The following SEC31B variants were observed in gnomAD, a reference collection of about 807,000 sequenced individuals.
SEC31B encodes the protein protein transport protein Sec31B.
A neutral mutation model predicts 135.0 loss-of-function variants in SEC31B; 113 were observed. The observed-to-expected ratio is 0.84, with a 90% CI of 0.72 to 0.98. The LOEUF (loss-of-function observed/expected upper bound fraction) is 0.98. Ranked by LOEUF, SEC31B falls within the 50% of genes least tolerant of loss-of-function variation. SEC31B has a pLI of 0.00. For synonymous variants in SEC31B, 508 were observed against 549.4 expected (o/e 0.92, Z 1.05); for missense variants, 1,296 against 1,421.1 (o/e 0.91, Z 1.42).
chr10:100,516,511 T>C (rs1851849882), intron 2 of SEC31B, among the ~76,000 whole-genome samples: 1 of 151,704 alleles, frequency 6.6e-6, no homozygotes, highest in Admixed American at 6.6e-5. Flanking sequence ...TAGCCAGATG[T>C]GGTGGTGGGT....
Position 100,490,161 on chromosome 10 carries a change from G to C in SEC31B, c.2812C>G (p.Pro938Ala), listed in dbSNP as rs1317349388. The C allele has an allele frequency of 1.9e-5, 31 of 1,601,086 alleles. No homozygotes were observed. The highest frequency in any genetic ancestry group is 2.6e-5 in the Non-Finnish European group (30 of 1,174,226). The change falls in exon 21 of 26, where the codon CCT (proline) becomes GCT (alanine). Residue 938 changes from proline to alanine, a missense_variant. Pro to Ala is a conservative substitution (Grantham distance 27). Transcript: ENST00000370345. ...TSLPETPRLF[P>A]LLPLRPLGPG... is the part of the protein sequence containing the mutation. ...CCTAGTGGTCTCAGAGGAAGCAGAG[G>C]GAACAGTCTAGGAGTCTCAGGCAGG...
rs373310873 is a variant in SEC31B at position 100,499,556 on chromosome 10, A to G, written c.1453T>C (p.Leu485=). 2.7e-5 allele frequency: 44 copies of G among 1,612,480 alleles called. No individual in the cohort carries two copies. Among genetic ancestry groups the G allele is most frequent in the East Asian group, 6.7e-5 (3 of 44,892 alleles). The change falls in exon 12 of 26, where the codon TTA becomes CTA. Residue 485 remains leucine, a synonymous_variant. Transcript: ENST00000370345. The part of the protein sequence containing the change: ...QDSRMKFLKL[L]GYSKDELQKK... ...TGAAGCTCATCTTTACTGTATCCTA[A>G]AAGCTTTAGGAATTTCATTCTGGAG...
intron 19 of SEC31B, among the ~76,000 whole-genome samples, chr10:100,492,389 A>C (rs1347259307): frequency 6.6e-6 from 1 of 152,016 alleles, no homozygotes; most frequent in African/African-American, 2.4e-5. Context: ...ATGCCCGGTT[A>C]ATTTTATATT....
At chr10:100,503,562 T>C in intron 10 of SEC31B, among the ~76,000 whole-genome samples, 1 of 151,916 alleles carries the variant, frequency 6.6e-6, no homozygotes, top group East Asian at 1.9e-4. Context: ...GCCTCCCAAG[T>C]AGCTGGGATT....
intron 2 of SEC31B, 32 bp downstream of exon 2, chr10:100,516,842 C>T (rs76554725): frequency 6.6e-7 from 1 of 1,514,194 alleles, no homozygotes; most frequent in East Asian, 2.3e-5. Context: ...TTATGTACTC[C>T]CAGTGGATCC....
intron 10 of SEC31B, among the ~76,000 whole-genome samples, chr10:100,505,037 A>G (rs1207343540): frequency 6.6e-6 from 1 of 151,986 alleles, no homozygotes; most frequent in South Asian, 2.1e-4. Context: ...CCTTCTTTGT[A>G]GTTCCTTACT....
At chr10:100,487,928 G>A in intron 25 of SEC31B, 99 bp downstream of exon 25, 1 of 1,506,840 alleles carries the variant, frequency 6.6e-7, no homozygotes, top group Non-Finnish European at 9.2e-7. Flanking sequence ...GGGAACCCAG[G>A]TCAGTGACAC....
chr10:100,514,598 G>C (rs897405329), intron 3 of SEC31B, among the ~76,000 whole-genome samples: 4 of 151,266 alleles, frequency 2.6e-5, no homozygotes, highest in African/African-American at 9.7e-5. Flanking sequence ...CTCTCATAAA[G>C]TGATGCAGGA....
intron 9 of SEC31B, chr10:100,505,794 C>T: frequency 7.0e-7 from 1 of 1,427,158 alleles, no homozygotes. Flanking sequence ...GCAAAGGGGT[C>T]CCACGGTCCC....
Position 100,516,857 on chromosome 10 carries a change from T to A in SEC31B, c.79+17A>T. On this transcript the variant is annotated intron_variant, in intron 2 of 25. Coordinates refer to ENST00000370345, the MANE Select transcript of SEC31B (RefSeq NM_015490.4). ...TTATGTACTCCCAGTGGATCCTAAT[T>A]CACAGTGTCACCATACCTGTGGCCA... 1 of 1,598,910 alleles carries A rather than the reference T, an allele frequency of 6.3e-7. No homozygotes were observed.
intron 19 of SEC31B, among the ~76,000 whole-genome samples, chr10:100,492,722 A>G (rs1208963838): frequency 2.0e-5 from 3 of 152,182 alleles, no homozygotes; most frequent in Non-Finnish European, 4.4e-5. Flanking sequence ...ACAGGATATA[A>G]CCAGATCAAC....
At chr10:100,505,636 G>C in intron 9 of SEC31B, 141 bp from the exon 10 acceptor site, 2 of 1,440,074 alleles carry the variant, frequency 1.4e-6, no homozygotes, top group South Asian at 1.5e-5. Context: ...CCAGGGGATG[G>C]GGAAGTGAGT....
chr10:100,495,672 T>TTGTTC (rs1218932850), intron 18 of SEC31B, 126 bp from the exon 19 acceptor site: 4 of 1,045,448 alleles, frequency 3.8e-6, no homozygotes, highest in Admixed American at 2.3e-5. Context: ...GTTGTTGTTG[T>TTGTTC]TGTTCTGTTC....
At position 100,506,361 on chromosome 10, in the gene SEC31B, T is replaced by C; in HGVS notation, c.842A>G (p.Lys281Arg). The change falls in exon 8 of 26, where the codon AAG (lysine) becomes AGG (arginine). Residue 281 changes from lysine (K) to arginine (R), a missense_variant. Transcript: ENST00000370345. The part of the protein sequence containing the change: ...ADAELLLTSA[K>R]DSQILCRNLG... The stretch of plus-strand genomic sequence containing the variant: ...GTTCCGGCACAAGATCTGGCTGTCC[T>C]TAGCACTAGTGAGCAGCAGCTCAGC... The C allele has an allele frequency of 6.2e-7, 1 of 1,614,144 alleles. No individual in the cohort carries two copies. Among genetic ancestry groups the C allele is most frequent in the Non-Finnish European group, 8.5e-7 (1 of 1,180,024 alleles).
At position 100,516,870 on chromosome 10, in the gene SEC31B, A is replaced by T. The variant is rs774872410; in HGVS notation, c.79+4T>A. 6.2e-7 allele frequency: 1 copy of T among 1,611,610 alleles called. No homozygotes were observed. Among genetic ancestry groups the T allele is most frequent in the Non-Finnish European group, 8.5e-7 (1 of 1,177,780 alleles). On this transcript the variant is annotated splice_donor_region_variant and intron_variant, in intron 2 of 25. Coordinates refer to ENST00000370345, the MANE Select transcript of SEC31B (RefSeq NM_015490.4). ...GTGGATCCTAATTCACAGTGTCACCATACCTGTGGCCAGATACAAAGGGTA... is the reference window on the plus strand; with the variant it reads ...GTGGATCCTAATTCACAGTGTCACCTTACCTGTGGCCAGATACAAAGGGTA...
At chr10:100,509,710 C>T (rs990321378) in intron 3 of SEC31B, among the ~76,000 whole-genome samples, 199 bp from the exon 4 acceptor site, 1 of 152,118 alleles carries the variant, frequency 6.6e-6, no homozygotes, top group Non-Finnish European at 1.5e-5. Context: ...GTTTCATCTA[C>T]GTTACACCAG....
At chr10:100,510,367 C>T (rs1444002078) in intron 3 of SEC31B, among the ~76,000 whole-genome samples, 3 of 152,260 alleles carry the variant, frequency 2.0e-5, no homozygotes, top group Non-Finnish European at 2.9e-5. Context: ...TACACTCCCA[C>T]TCAGGAAATA....
At position 100,507,557 on chromosome 10, in the gene SEC31B, G is replaced by T. The variant is rs1851656440; in HGVS notation, c.650C>A (p.Ser217Ter). Residue 217 changes from serine to a stop codon, truncating the protein, a stop_gained, in exon 7 of 26, where the codon TCA becomes TAA. Coordinates refer to ENST00000370345, the MANE Select transcript of SEC31B (RefSeq NM_015490.4). LOFTEE classifies it high-confidence loss of function. ...TATGTCAGGATGCCAGGCCAGGCCT[G>T]AGCAGTGCATCTGTGAACAAAGCAG... ...VSDHSNRMHC[S>*]GLAWHPDIAT... The T allele has an allele frequency of 6.2e-7, 1 of 1,614,204 alleles. No individual in the cohort carries two copies. The highest frequency in any genetic ancestry group is 8.5e-7 in the Non-Finnish European group (1 of 1,180,036).
rs976688639 is a variant in SEC31B, at chr10:100,505,417, G to A, written c.1123C>T (p.Pro375Ser). The A allele has an allele frequency of 1.2e-6, 2 of 1,608,276 alleles. No individual in the cohort carries two copies. The highest frequency in any genetic ancestry group is 1.7e-6 in the Non-Finnish European group (2 of 1,177,050). ...CATTTGGGGGGTTTTTTCAGGGGAG[G>A]TATCAGTGGTGCTTGTGCCACTTGC... ...PEQVAQAPLI[P>S]PLKKPPKWIR... Residue 375 changes from proline to serine, a missense_variant, in exon 10 of 26, where the codon CCT becomes TCT. Transcript: ENST00000370345.
Sources: allele counts gnomAD v4.1 joint callset (sites outside exome capture counted in the v4.1 genomes callset), GRCh38; gene constraint gnomAD v4.1.1; transcripts MANE v1.5; gene names NCBI Gene and HGNC (gene_info 2026-07-23, HGNC 2026-07-21).